COL13A1: variants seen among roughly 807,000 people sequenced by gnomAD.
COL13A1 encodes collagen alpha-1(XIII) chain.
In COL13A1, 89 loss-of-function variants were observed where a neutral mutation model predicts 130.9. The ratio of observed to expected loss-of-function variants is 0.68; its 90% CI spans 0.57 to 0.81. The LOEUF (loss-of-function observed/expected upper bound fraction) is 0.81. Among genes scored for constraint, COL13A1 ranks in the 30% least tolerant of loss-of-function variants. COL13A1 has a pLI of 0.00. For missense variants in COL13A1, 879 were observed against 934.6 expected, an observed-to-expected ratio of 0.94 and a Z score of 0.78; for synonymous variants, 402 against 341.6, an observed-to-expected ratio of 1.18 and a Z score of -1.95.
In COL13A1 at chr10:69,925,886, A is replaced by C. The variant is rs1319568064; in HGVS notation, c.1398+14A>C. On this transcript the variant is annotated intron_variant, in intron 26 of 40. Coordinates refer to ENST00000645393, the MANE Select transcript of COL13A1 (RefSeq NM_001368882.1). The stretch of plus-strand genomic sequence containing the variant: ...GAGGCTCTCCAGGTGAGCAGGGTCC[A>C]GCCCAGAGGCCAAGATCCTCATGGA... 1.9e-6 allele frequency: 3 copies of C among 1,579,196 alleles called. No individual in the cohort carries two copies. The highest frequency in any genetic ancestry group is 2.6e-6 in the Non-Finnish European group (3 of 1,161,146).
At chr10:69,895,485 G>T (rs556047229) in intron 12 of COL13A1, 65 bp from the exon 13 acceptor site, 1 of 1,544,674 alleles carries the variant, frequency 6.5e-7, no homozygotes, top group African/African-American at 1.4e-5. Flanking sequence ...TGCTGGGGGT[G>T]CCCTGAGAAA....
At chr10:69,953,096 G>T (rs2069919209) in intron 39 of COL13A1, 128 bp downstream of exon 39, 1 of 614,990 alleles carries the variant, frequency 1.6e-6, no homozygotes, top group Admixed American at 4.2e-5. Flanking sequence ...AAATCTCTCT[G>T]TTCATTTGAC....
chr10:69,952,941 G>A lies in COL13A1; in HGVS notation c.2118G>A (p.Ala706=), dbSNP rs144348670. ...GPKGDKGDQG[A]PGLDAPCPLG... ...AAGGGGATAAGGGAGACCAAGGAGC[G>A]CCTGGATTAGATGCCCCCTGCCCAT... The change falls in exon 39 of 41, where the codon GCG becomes GCA. Residue 706 remains alanine, a synonymous_variant. Coordinates refer to ENST00000645393, the MANE Select transcript of COL13A1 (RefSeq NM_001368882.1). 1.5e-3 allele frequency: 2,283 copies of A among 1,554,408 alleles called. 6 individuals are homozygous for A. Among genetic ancestry groups the A allele is most frequent in the Non-Finnish European group, 1.7e-3 (1,993 of 1,156,768 alleles).
At chr10:69,952,707 G>A (rs976157909) in intron 38 of COL13A1, among the ~76,000 whole-genome samples, 175 bp from the exon 39 acceptor site, 4 of 152,154 alleles carry the variant, frequency 2.6e-5, no homozygotes, top group African/African-American at 9.7e-5. Flanking sequence ...TCAGGTTCCT[G>A]GGGGGTGGGG....
chr10:69,843,407 T>C (rs991658779), intron 2 of COL13A1, among the ~76,000 whole-genome samples: 20 of 151,918 alleles, frequency 1.3e-4, no homozygotes, highest in African/African-American at 4.4e-4. Flanking sequence ...AGGGTCTTTT[T>C]TCATCTACAC....
intron 1 of COL13A1, among the ~76,000 whole-genome samples, chr10:69,806,293 C>T (rs962313044): frequency 6.6e-6 from 1 of 152,220 alleles, no homozygotes; most frequent in Admixed American, 6.5e-5. Flanking sequence ...GTGGGACTCC[C>T]ATGCCAATGG....
At chr10:69,893,592 C>T (rs548415991) in intron 10 of COL13A1, among the ~76,000 whole-genome samples, 3 of 152,366 alleles carry the variant, frequency 2.0e-5, no homozygotes, top group South Asian at 4.1e-4. Flanking sequence ...CCCAAAGAGA[C>T]TGGTGGCTCA....
At chr10:69,934,137 T>C (rs2135925975) in intron 31 of COL13A1, among the ~76,000 whole-genome samples, 1 of 152,294 alleles carries the variant, frequency 6.6e-6, no homozygotes, top group African/African-American at 2.4e-5. Context: ...AAATTTTCTC[T>C]TTAAAGAAAA....
rs1014438577 is a variant in COL13A1 at position 69,859,039 on chromosome 10, G to A, written c.365-8759G>A. Reference sequence around the variant, plus strand: ...GGGCATGCCTGGATTTCAGTTGTACGACTATGGGCCAGAACTTTGACCTCT... The same window carrying A: ...GGGCATGCCTGGATTTCAGTTGTACAACTATGGGCCAGAACTTTGACCTCT... On this transcript the variant is annotated intron_variant, in intron 2 of 40. Transcript: ENST00000645393. Among the ~76,000 whole-genome samples the A allele has an allele frequency of 6.6e-5, 10 of 152,112 alleles. No homozygotes were observed. In the East Asian group the frequency reaches 9.7e-4, roughly 15 times the overall value.
intron 33 of COL13A1, 112 bp downstream of exon 33, chr10:69,936,894 C>A: frequency 2.4e-6 from 3 of 1,232,234 alleles, no homozygotes; most frequent in South Asian, 1.3e-5. Context: ...ACACTCCAGC[C>A]AAGGGGGTCC....
intron 3 of COL13A1, among the ~76,000 whole-genome samples, chr10:69,870,146 T>C (rs1371766547): frequency 6.6e-6 from 1 of 152,096 alleles, no homozygotes; most frequent in African/African-American, 2.4e-5. Flanking sequence ...ATGGATGTTG[T>C]AAGGTATATG....
chr10:69,919,023 T>G, intron 19 of COL13A1, 39 bp from the exon 20 acceptor site: 5 of 1,613,834 alleles, frequency 3.1e-6, no homozygotes, highest in Non-Finnish European at 2.5e-6. Flanking sequence ...TGTTTCTGCT[T>G]TTTCTGTCTC....
At chr10:69,947,378 T>C in intron 38 of COL13A1, 36 bp downstream of exon 38, 1 of 1,584,626 alleles carries the variant, frequency 6.3e-7, no homozygotes, top group South Asian at 1.1e-5. Flanking sequence ...CTCTAGTTAC[T>C]AATGTCTTCA....
At chr10:69,878,509 T>A (rs2059832139) in intron 6 of COL13A1, among the ~76,000 whole-genome samples, 1 of 151,570 alleles carries the variant, frequency 6.6e-6, no homozygotes, top group Non-Finnish European at 1.5e-5. Context: ...TGAGATTGAG[T>A]CTCGCTCTGT....
chr10:69,804,783 A>G (rs1047240381), intron 1 of COL13A1, among the ~76,000 whole-genome samples: 5 of 133,148 alleles, frequency 3.8e-5, no homozygotes, highest in African/African-American at 1.1e-4. Flanking sequence ...CACAAAGAAG[A>G]AAATGGGCAG....
chr10:69,889,634 T>G (rs2060965339), intron 10 of COL13A1, among the ~76,000 whole-genome samples, 194 bp downstream of exon 10: 1 of 152,204 alleles, frequency 6.6e-6, no homozygotes, highest in Admixed American at 6.5e-5. Flanking sequence ...GGGCAGGGGC[T>G]TCTCCATCTG....
chr10:69,855,222 C>T (rs999522544), intron 2 of COL13A1, among the ~76,000 whole-genome samples: 1 of 152,184 alleles, frequency 6.6e-6, no homozygotes, highest in Non-Finnish European at 1.5e-5. Flanking sequence ...CTGTGACATT[C>T]AGAGGGGTTG....
At chr10:69,941,062 C>CGAGA (rs2067566099) in intron 35 of COL13A1, 39 bp downstream of exon 35, 1 of 1,613,360 alleles carries the variant, frequency 6.2e-7, no homozygotes, top group African/African-American at 1.3e-5. Flanking sequence ...CCCCACTCCA[C>CGAGA]TCCACACCTG....
intron 8 of COL13A1, among the ~76,000 whole-genome samples, 171 bp downstream of exon 8, chr10:69,887,662 A>C (rs2060733689): frequency 6.6e-6 from 1 of 152,198 alleles, no homozygotes; most frequent in African/African-American, 2.4e-5. Context: ...GTAGCTCAGC[A>C]GTCAGGTCAT....
Sources: allele counts gnomAD v4.1 joint callset (sites outside exome capture counted in the v4.1 genomes callset), GRCh38; gene constraint gnomAD v4.1.1; transcripts MANE v1.5; gene names NCBI Gene and HGNC (gene_info 2026-07-23, HGNC 2026-07-21).